Variants in TF observed in about 807,000 individuals in gnomAD.
TF encodes transferrin, also known as serotransferrin.
In TF, 55 loss-of-function variants were observed where a neutral mutation model predicts 82.4. The observed-to-expected ratio is 0.67, with a 90% CI of 0.54 to 0.84. The LOEUF is 0.84. TF is among the 40% of genes least tolerant of loss of function. The pLI is 0.00. For synonymous variants in TF, 332 were observed against 332.6 expected (o/e 1.00, Z 0.02); for missense variants, 737 against 868.4 (o/e 0.85, Z 1.90).
At chr3:133,752,437 A>T (rs1576356353) in intron 2 of TF, among the ~76,000 whole-genome samples, 1 of 152,346 alleles carries the variant, frequency 6.6e-6, no homozygotes, top group East Asian at 1.9e-4. Context: ...TTCATAGAGA[A>T]CTGGCAAGGG....
At position 133,793,960 on chromosome 3, in the gene TF, T is replaced by C. The variant is rs977634096; in HGVS notation, c.*15340T>C. On this transcript the variant is annotated 3_prime_UTR_variant, in exon 17 of 17. Coordinates refer to ENST00000402696, the MANE Select transcript of TF (RefSeq NM_001063.4). The stretch of plus-strand genomic sequence containing the variant: ...AAAAATTAATTAAATACCAAGAAAA[T>C]ACTTTGCCAGATTTTCATGCTAAAT... 2 of 152,092 alleles carry C rather than the reference T, an allele frequency of 1.3e-5. No individual in the cohort carries two copies. Among genetic ancestry groups the C allele is most frequent in the African/African-American group, 4.8e-5 (2 of 41,426 alleles). 9.4% of individuals were successfully genotyped at this position (152,092 alleles called of 1,614,324 possible).
intron 2 of TF, among the ~76,000 whole-genome samples, 186 bp from the exon 3 acceptor site, chr3:133,753,409 A>G (rs988368639): frequency 4.6e-5 from 7 of 152,068 alleles, no homozygotes; most frequent in African/African-American, 1.7e-4. Flanking sequence ...AGGAATAGGA[A>G]TGTGGTGGCT....
At chr3:133,763,521 A>G (rs1031800232) in intron 9 of TF, among the ~76,000 whole-genome samples, 4 of 152,154 alleles carry the variant, frequency 2.6e-5, no homozygotes, top group Non-Finnish European at 4.4e-5. Flanking sequence ...CACACCTGTT[A>G]TTTTTGCCCA....
intron 14 of TF, chr3:133,772,838 A>G (rs1559877996): frequency 6.6e-6 from 1 of 152,352 alleles, no homozygotes; most frequent in Admixed American, 6.5e-5. Flanking sequence ...TTAATATCAC[A>G]TTCCTGATAA....
At chr3:133,777,542 G>A in intron 16 of TF, 1 of 311,920 alleles carries the variant, frequency 3.2e-6, no homozygotes. Flanking sequence ...GTAAACTTTT[G>A]ATTAGAGTTG....
At chr3:133,698,789 A>G in the TF span, among the ~76,000 whole-genome samples, 1 of 152,300 alleles carries the variant, frequency 6.6e-6, no homozygotes, top group Non-Finnish European at 1.5e-5. Context: ...AATTTATTGA[A>G]CCCACAACAC....
At chr3:133,662,119 C>T in the TF span, 4 of 152,276 alleles carry the variant, frequency 2.6e-5, no homozygotes, top group South Asian at 6.2e-4. Flanking sequence ...GGCCTAGTCT[C>T]CGCTGCGAGT....
chr3:133,743,915 C>T (rs1201470438), upstream of TF, among the ~76,000 whole-genome samples: 1 of 152,202 alleles, frequency 6.6e-6, no homozygotes, highest in Non-Finnish European at 1.5e-5. Flanking sequence ...CTCACCCCTG[C>T]CTACCCCATC....
At position 133,768,145 on chromosome 3, in the gene TF, G is replaced by C. The variant is rs752715864; in HGVS notation, c.1603G>C (p.Gly535Arg). The C allele has an allele frequency of 6.2e-7, 1 of 1,613,952 alleles. No homozygotes were observed. Among genetic ancestry groups the C allele is most frequent in the East Asian group, 2.2e-5 (1 of 44,844 alleles). Residue 535 changes from glycine (G) to arginine (R), a missense_variant, in exon 13 of 17, where the codon GGC (glycine) becomes CGC (arginine). Gly to Arg is a moderately radical substitution (Grantham distance 125). Coordinates refer to ENST00000402696, the MANE Select transcript of TF (RefSeq NM_001063.4). ...ACCCAACAACAAAGAGGGATACTAC[G>C]GCTACACAGGCGCTTTCAGGTGAGT... ...CEPNNKEGYY[G>R]YTGAFRCLVE...
At chr3:133,708,675 A>T in the TF span, among the ~76,000 whole-genome samples, 2 of 151,072 alleles carry the variant, frequency 1.3e-5, no homozygotes, top group Non-Finnish European at 2.9e-5. Flanking sequence ...TATAATTTAT[A>T]ATGTGTGTAT....
the TF span, among the ~76,000 whole-genome samples, chr3:133,698,774 A>G: frequency 6.6e-6 from 1 of 152,208 alleles, no homozygotes; most frequent in Non-Finnish European, 1.5e-5. Context: ...GGACTTCAAT[A>G]TATGAATTTA....
chr3:133,698,686 T>A, the TF span, among the ~76,000 whole-genome samples: 1 of 152,222 alleles, frequency 6.6e-6, no homozygotes, highest in African/African-American at 2.4e-5. Flanking sequence ...CCTATCCCAG[T>A]GTGACCGCAT....
At chr3:133,732,499 A>C in the TF span, among the ~76,000 whole-genome samples, 14 of 152,326 alleles carry the variant, frequency 9.2e-5, no homozygotes, top group Middle Eastern at 3.4e-3. Flanking sequence ...AGGCCACCAG[A>C]GCCAACAGCG....
At position 133,793,419 on chromosome 3, in the gene TF, AG is replaced by A. The variant is rs1472732501; in HGVS notation, c.*14800del. ...CTAACCTCTAACTTTGAGATGCTGC[AG>A]AGGGCCCCTGAAGCATCCAAAAGAG... On this transcript the variant is annotated 3_prime_UTR_variant, in exon 17 of 17. Coordinates refer to ENST00000402696, the MANE Select transcript of TF (RefSeq NM_001063.4). The A allele has an allele frequency of 6.6e-6, 1 of 152,122 alleles. No individual in the cohort carries two copies. Among genetic ancestry groups the A allele is most frequent in the Non-Finnish European group, 1.5e-5 (1 of 67,968 alleles). 9.4% of individuals were successfully genotyped at this position (152,122 alleles called of 1,614,324 possible).
At chr3:133,760,476 C>G (rs1933966640) in intron 9 of TF, 1 of 154,190 alleles carries the variant, frequency 6.5e-6, no homozygotes, top group South Asian at 2.0e-4. Flanking sequence ...AAAGCAAAGC[C>G]TACAAATTCA....
the TF span, among the ~76,000 whole-genome samples, chr3:133,731,867 A>T: frequency 4.6e-5 from 7 of 152,220 alleles, no homozygotes; most frequent in African/African-American, 1.7e-4. Flanking sequence ...TGCCCATTTT[A>T]TTACTGTACG....
chr3:133,684,139 G>A, the TF span, among the ~76,000 whole-genome samples: 1 of 152,180 alleles, frequency 6.6e-6, no homozygotes, highest in South Asian at 2.1e-4. Flanking sequence ...AAATAAAGAT[G>A]TTCTTTGAAA....
chr3:133,782,949 C>T lies in TF; in HGVS notation c.*4329C>T, dbSNP rs1230868791. 1 of 152,056 alleles carries T rather than the reference C, an allele frequency of 6.6e-6. No individual in the cohort carries two copies. The highest frequency in any genetic ancestry group is 1.5e-5 in the Non-Finnish European group (1 of 68,016). The allele number at this position is 152,056 out of a possible 1,614,324, so 9.4% of individuals were successfully genotyped here. A position where few individuals can be genotyped will look rare whatever the true frequency, so the allele number is the denominator to read the frequency against. On this transcript the variant is annotated 3_prime_UTR_variant, in exon 17 of 17. Coordinates refer to ENST00000402696, the MANE Select transcript of TF (RefSeq NM_001063.4). ...GGAGGATGGATTGAGCCTGGGAGGT[C>T]GAGGCTGCAGTGAGCAGTGATTTGA...
intron 14 of TF, 72 bp downstream of exon 14, chr3:133,770,644 A>T: frequency 6.7e-7 from 1 of 1,491,344 alleles, no homozygotes; most frequent in African/African-American, 1.4e-5. Flanking sequence ...GTATTCAGGG[A>T]TGCCTTTGTG....
Sources: gnomAD v4.1 joint callset for allele counts (sites outside exome capture counted in the v4.1 genomes callset) on GRCh38, gnomAD v4.1.1 for gene constraint, MANE v1.5 for transcripts, NCBI Gene and HGNC (gene_info 2026-07-23, HGNC 2026-07-21) for gene names.